WDR70: variants seen among roughly 807,000 people sequenced by gnomAD.
WDR70 encodes WD repeat-containing protein 70.
In WDR70, 53 loss-of-function variants were observed where a neutral mutation model predicts 88.6. That is an observed-to-expected ratio of 0.60 (90% confidence interval 0.48 to 0.75). WDR70 has a LOEUF of 0.75. Ranked by LOEUF, WDR70 falls within the 30% of genes least tolerant of loss-of-function variation. WDR70 has a pLI of 0.00. For missense variants in WDR70, 610 were observed against 823.2 expected (o/e 0.74, Z 3.17); for synonymous variants, 280 against 270.0 (o/e 1.04, Z -0.36).
chr5:37,451,287 T>C (rs1018897929), intron 7 of WDR70, among the ~76,000 whole-genome samples: 7 of 152,150 alleles, frequency 4.6e-5, no homozygotes, highest in African/African-American at 1.4e-4. Context: ...TAGCTGTAAT[T>C]TCTGTTTGAT....
Position 37,525,986 on chromosome 5 carries a change from A to G in WDR70, c.917+9396A>G, listed in dbSNP as rs192327627. On this transcript the variant is annotated intron_variant, in intron 9 of 17. Transcript: ENST00000265107. Reference sequence around the variant, plus strand: ...TAACAGTTTCTGAAATTGAGGAAATAATTAGTAGCCTACCAACCAAAAGAA... The same window carrying G: ...TAACAGTTTCTGAAATTGAGGAAATGATTAGTAGCCTACCAACCAAAAGAA... Among the ~76,000 whole-genome samples the G allele has an allele frequency of 2.5e-3, 381 of 152,338 alleles. 3 individuals carry two copies. Among genetic ancestry groups the G allele is most frequent in the African/African-American group, 8.7e-3 (362 of 41,584 alleles).
rs191867560 is a variant in WDR70 at position 37,537,075 on chromosome 5, C to T, written c.917+20485C>T. Among the ~76,000 whole-genome samples, 15 of 152,180 alleles carry T rather than the reference C, an allele frequency of 9.9e-5. No homozygotes were observed. In the East Asian group the frequency reaches 1.9e-3, roughly 20 times the overall value. ...ACAATTTGAATTAAAATCCAAACCC[C>T]GGGAATACAGAATTGTTTTTCAAAG... On this transcript the variant is annotated intron_variant, in intron 9 of 17. Transcript: ENST00000265107.
chr5:37,577,164 A>G (rs539594515), intron 9 of WDR70, among the ~76,000 whole-genome samples: 33 of 152,334 alleles, frequency 2.2e-4, no homozygotes, highest in South Asian at 6.2e-4. Context: ...GGAGAAAAAT[A>G]CTAATGAAGT....
chr5:37,691,496 A>T (rs910490882), intron 10 of WDR70, among the ~76,000 whole-genome samples: 2 of 152,250 alleles, frequency 1.3e-5, no homozygotes, highest in Non-Finnish European at 2.9e-5. Flanking sequence ...AAGAACAGAA[A>T]TCACAACAAA....
At chr5:37,631,755 G>A (rs531052601) in intron 10 of WDR70, among the ~76,000 whole-genome samples, 62 of 152,242 alleles carry the variant, frequency 4.1e-4, no homozygotes, top group African/African-American at 1.5e-3. Context: ...CATCTGAAAG[G>A]TAGTGACTCT....
intron 17 of WDR70, among the ~76,000 whole-genome samples, chr5:37,750,190 G>A (rs10071815): frequency 0.11 from 16,758 of 152,008 alleles, 1,811 homozygotes; most frequent in African/African-American, 0.28. Context: ...GCCCTTTGAT[G>A]TTAGCCATCA....
intron 9 of WDR70, 53 bp downstream of exon 9, chr5:37,516,643 T>G: frequency 7.8e-7 from 1 of 1,288,980 alleles, no homozygotes; most frequent in Non-Finnish European, 1.1e-6. Flanking sequence ...GGTATTTTAT[T>G]TAACGTTTGG....
At chr5:37,672,317 G>T (rs945980454) in intron 10 of WDR70, among the ~76,000 whole-genome samples, 1 of 152,070 alleles carries the variant, frequency 6.6e-6, no homozygotes, top group South Asian at 2.1e-4. Flanking sequence ...CCCGTGAAGC[G>T]TCTGTGCTGA....
At chr5:37,456,489 TTAGA>T (rs1405137353) in intron 7 of WDR70, among the ~76,000 whole-genome samples, 1 of 152,186 alleles carries the variant, frequency 6.6e-6, no homozygotes. Flanking sequence ...AGTCTGTTGC[TTAGA>T]TAGAAAGAGT....
intron 5 of WDR70, among the ~76,000 whole-genome samples, chr5:37,427,249 C>G (rs181208554): frequency 6.6e-6 from 1 of 151,992 alleles, no homozygotes; most frequent in Admixed American, 6.6e-5. Flanking sequence ...ATTAGCTGGG[C>G]GTGGTGGCGG....
intron 10 of WDR70, among the ~76,000 whole-genome samples, chr5:37,606,083 G>T (rs111258626): frequency 1.6e-4 from 24 of 152,182 alleles, no homozygotes; most frequent in African/African-American, 5.5e-4. Context: ...TGTCCTCATG[G>T]AGTTTTCATT....
chr5:37,591,421 A>AT (rs1743528617), intron 9 of WDR70, among the ~76,000 whole-genome samples: 1 of 152,234 alleles, frequency 6.6e-6, no homozygotes, highest in South Asian at 2.1e-4. Flanking sequence ...TTTTATGACA[A>AT]TTTTATACAA....
chr5:37,464,403 A>G (rs1190831126), intron 7 of WDR70, among the ~76,000 whole-genome samples: 1 of 152,222 alleles, frequency 6.6e-6, no homozygotes, highest in Admixed American at 6.5e-5. Context: ...AATTTGATCT[A>G]TCAGTCAGTG....
At chr5:37,712,753 G>A (rs1747548113) in intron 13 of WDR70, among the ~76,000 whole-genome samples, 1 of 152,010 alleles carries the variant, frequency 6.6e-6, no homozygotes, top group African/African-American at 2.4e-5. Flanking sequence ...CTAGGCTGGA[G>A]TGCAGTGGTG....
chr5:37,487,860 G>A (rs1007540929), intron 8 of WDR70, among the ~76,000 whole-genome samples: 1 of 151,570 alleles, frequency 6.6e-6, no homozygotes, highest in African/African-American at 2.4e-5. Flanking sequence ...TCCTGACCTC[G>A]TGATCTGCCT....
chr5:37,429,429 A>T (rs763750651), intron 5 of WDR70, among the ~76,000 whole-genome samples: 17 of 152,018 alleles, frequency 1.1e-4, no homozygotes, highest in African/African-American at 1.4e-4. Flanking sequence ...CTTACCAATG[A>T]TTGCAAAAAT....
At chr5:37,614,545 A>T (rs1271413709) in intron 10 of WDR70, among the ~76,000 whole-genome samples, 3 of 152,210 alleles carry the variant, frequency 2.0e-5, no homozygotes, top group African/African-American at 7.2e-5. Flanking sequence ...ATATTTTGTG[A>T]CACATGAAAA....
intron 7 of WDR70, among the ~76,000 whole-genome samples, chr5:37,443,668 C>G (rs1425111802): frequency 6.6e-6 from 1 of 152,202 alleles, no homozygotes; most frequent in Non-Finnish European, 1.5e-5. Flanking sequence ...GAATGGACAA[C>G]ATGGCAAAAG....
At chr5:37,665,387 A>G (rs566322708) in intron 10 of WDR70, among the ~76,000 whole-genome samples, 1 of 152,262 alleles carries the variant, frequency 6.6e-6, no homozygotes, top group African/African-American at 2.4e-5. Flanking sequence ...CCCTACTCCA[A>G]GCATGTGGGT....
Sources: allele counts gnomAD v4.1 joint callset (sites outside exome capture counted in the v4.1 genomes callset), GRCh38; gene constraint gnomAD v4.1.1; transcripts MANE v1.5; gene names NCBI Gene and HGNC (gene_info 2026-07-23, HGNC 2026-07-21).